SHLD2: variants seen among roughly 807,000 people sequenced by gnomAD.
The protein encoded by SHLD2 is RINN1-REV7-interacting novel NHEJ regulator 2.
In SHLD2, 30 loss-of-function variants were observed where a neutral mutation model predicts 73.2. That is an observed-to-expected ratio of 0.41 (90% CI 0.31 to 0.56). The LOEUF is 0.56. Ranked by LOEUF, SHLD2 falls within the 20% of genes least tolerant of loss-of-function variation. The pLI is 0.28. For missense variants in SHLD2, 745 were observed against 1,055.9 expected (o/e 0.71, Z 4.08); for synonymous variants, 285 against 370.1 (o/e 0.77, Z 2.64).
rs915499089 is a variant in SHLD2 at position 87,103,208 on chromosome 10, CA to C, written c.-6+6229del. On this transcript the variant is annotated intron_variant, in intron 2 of 9. Coordinates refer to ENST00000298786, the MANE Select transcript of SHLD2 (RefSeq NM_001330112.2). The stretch of plus-strand genomic sequence containing the variant: ...CTGGCAACAGAGTGAGATTCCGTCT[CA>C]AAAAAAAAATTTTTTTTAATAAATA... 4.0e-4 allele frequency among the ~76,000 whole-genome samples: 60 copies of C among 149,164 alleles called. 1 individual carries two copies. The highest frequency in any genetic ancestry group is 1.1e-3 in the African/African-American group (45 of 40,580).
intron 6 of SHLD2, among the ~76,000 whole-genome samples, chr10:87,172,600 T>C (rs1180652732): frequency 1.3e-5 from 2 of 152,018 alleles, no homozygotes; most frequent in African/African-American, 4.8e-5. Context: ...CCCAGTACCT[T>C]GGGAGGCTGA....
At chr10:87,132,034 AGTCCTTT>A (rs1844465979) in intron 2 of SHLD2, among the ~76,000 whole-genome samples, 1 of 152,148 alleles carries the variant, frequency 6.6e-6, no homozygotes. Context: ...TGTCTGTTTA[AGTCCTTT>A]GCCCACTTTA....
At chr10:87,109,178 C>T (rs941826542) in intron 2 of SHLD2, among the ~76,000 whole-genome samples, 1 of 152,104 alleles carries the variant, frequency 6.6e-6, no homozygotes, top group African/African-American at 2.4e-5. Context: ...GTATTAGGTG[C>T]AAGGTTTTAC....
In SHLD2 at chr10:87,160,458, G is replaced by A. The variant is rs1589604959; in HGVS notation, c.1633+2303G>A. ...CCACAGCACTTCAGCCTGGGTGACCGGAGTCAGACCTTGTCTCAAAAAAAT... is the reference window on the plus strand; with the variant it reads ...CCACAGCACTTCAGCCTGGGTGACCAGAGTCAGACCTTGTCTCAAAAAAAT... On this transcript the variant is annotated intron_variant, in intron 4 of 9. Coordinates refer to ENST00000298786, the MANE Select transcript of SHLD2 (RefSeq NM_001330112.2). Among the ~76,000 whole-genome samples the A allele has an allele frequency of 4.6e-5, 7 of 152,184 alleles. No homozygotes were observed. In the South Asian group the frequency reaches 1.0e-3, roughly 23 times the overall value.
intron 9 of SHLD2, among the ~76,000 whole-genome samples, chr10:87,189,420 G>T (rs1179977374): frequency 1.3e-5 from 2 of 152,200 alleles, no homozygotes; most frequent in Admixed American, 6.5e-5. Flanking sequence ...GTACTACTTG[G>T]CATTAATTAG....
chr10:87,169,054 C>G (rs1464985576), intron 4 of SHLD2, among the ~76,000 whole-genome samples: 7 of 152,164 alleles, frequency 4.6e-5, no homozygotes, highest in Admixed American at 1.3e-4. Flanking sequence ...CAAAGATCAA[C>G]ACAATGTTTC....
At chr10:87,164,929 A>C (rs1236440462) in intron 4 of SHLD2, among the ~76,000 whole-genome samples, 2 of 152,076 alleles carry the variant, frequency 1.3e-5, no homozygotes, top group Admixed American at 6.6e-5. Flanking sequence ...GTTCATGCCT[A>C]TAATCCCAGC....
chr10:87,105,659 T>C (rs1842548512), intron 2 of SHLD2, among the ~76,000 whole-genome samples: 1 of 152,260 alleles, frequency 6.6e-6, no homozygotes, highest in Non-Finnish European at 1.5e-5. Flanking sequence ...ATACCTACTC[T>C]GCTCTTCTCT....
chr10:87,140,463 C>G lies in SHLD2; in HGVS notation c.-5-10887C>G, dbSNP rs183646843. Among the ~76,000 whole-genome samples, 834 of 150,532 alleles carry G rather than the reference C, an allele frequency of 5.5e-3. 9 individuals are homozygous for G. The highest frequency in any genetic ancestry group is 0.019 in the African/African-American group (775 of 41,080). ...AAAAAATAAGAAAATAGTGGCTCAT[C>G]ATGGTGGCTCATGCCTGTAATCCCA... is the stretch of plus-strand genomic sequence containing the variant. On this transcript the variant is annotated intron_variant, in intron 2 of 9. Coordinates refer to ENST00000298786, the MANE Select transcript of SHLD2 (RefSeq NM_001330112.2).
intron 2 of SHLD2, among the ~76,000 whole-genome samples, chr10:87,108,774 G>A (rs1377211666): frequency 6.6e-6 from 1 of 152,176 alleles, no homozygotes; most frequent in African/African-American, 2.4e-5. Flanking sequence ...GGTCCTTTTG[G>A]TAAATGTTCA....
intron 3 of SHLD2, among the ~76,000 whole-genome samples, chr10:87,156,047 A>G (rs1220563874): frequency 1.4e-5 from 2 of 146,802 alleles, no homozygotes; most frequent in Admixed American, 6.8e-5. Flanking sequence ...ATTGATATAT[A>G]CCCCCAAACA....
intron 2 of SHLD2, among the ~76,000 whole-genome samples, chr10:87,125,693 C>T (rs1455573281): frequency 7.9e-5 from 12 of 151,576 alleles, no homozygotes; most frequent in East Asian, 1.9e-4. Flanking sequence ...GTTGAGAATG[C>T]GCCATTGCAC....
chr10:87,117,138 G>A (rs537507000), intron 2 of SHLD2, among the ~76,000 whole-genome samples: 5 of 152,274 alleles, frequency 3.3e-5, no homozygotes, highest in African/African-American at 7.2e-5. Context: ...CTTTAGCTGC[G>A]GCCGGGCAAG....
At chr10:87,105,381 ATAAT>A (rs1842532233) in intron 2 of SHLD2, among the ~76,000 whole-genome samples, 1 of 152,218 alleles carries the variant, frequency 6.6e-6, no homozygotes, top group Admixed American at 6.6e-5. Flanking sequence ...ATATGTGAGT[ATAAT>A]TATGTTGCGC....
intron 4 of SHLD2, among the ~76,000 whole-genome samples, chr10:87,167,467 G>A (rs1339214259): frequency 6.6e-6 from 1 of 152,032 alleles, no homozygotes; most frequent in African/African-American, 2.4e-5. Context: ...AACCAATTTG[G>A]TTACTCATTT....
intron 2 of SHLD2, among the ~76,000 whole-genome samples, chr10:87,146,739 A>T (rs1159264868): frequency 6.6e-6 from 1 of 152,028 alleles, no homozygotes; most frequent in Non-Finnish European, 1.5e-5. Context: ...AAGTGAAGGC[A>T]CACTGAAATA....
At position 87,151,906 on chromosome 10, in the gene SHLD2, T is replaced by C. The variant is rs2134325436; in HGVS notation, c.552T>C (p.Thr184=). The change falls in exon 3 of 10, where the codon ACT becomes ACC. Residue 184 remains threonine (T), a synonymous_variant. Transcript: ENST00000298786. ...CAAVLDLVCS[T]EKINIGPEVV... ...CTGTGTTGGATTTGGTTTGTAGTAC[T>C]GAAAAAATTAATATAGGGCCTGAAG... 6.2e-7 allele frequency: 1 copy of C among 1,611,330 alleles called. No individual in the cohort carries two copies. The highest frequency in any genetic ancestry group is 8.5e-7 in the Non-Finnish European group (1 of 1,179,400).
chr10:87,100,006 G>T (rs1310531679), intron 2 of SHLD2, among the ~76,000 whole-genome samples: 3 of 151,880 alleles, frequency 2.0e-5, no homozygotes, highest in Non-Finnish European at 4.4e-5. Flanking sequence ...ATATGTTCTA[G>T]ATGTAAGTTC....
chr10:87,102,306 C>A (rs150170356), intron 2 of SHLD2, among the ~76,000 whole-genome samples: 1 of 151,976 alleles, frequency 6.6e-6, no homozygotes, highest in African/African-American at 2.4e-5. Flanking sequence ...AATAATCATG[C>A]TAATTTTGTT....
Sources: allele counts gnomAD v4.1 joint callset (sites outside exome capture counted in the v4.1 genomes callset), GRCh38; gene constraint gnomAD v4.1.1; transcripts MANE v1.5; gene names NCBI Gene and HGNC (gene_info 2026-07-23, HGNC 2026-07-21).